USP42: variants seen among roughly 807,000 people sequenced by gnomAD.
USP42 encodes ubiquitin specific peptidase 42.
USP42 carries 23 observed loss-of-function variants against 113.0 expected under a neutral mutation model. The ratio of observed to expected loss-of-function variants is 0.20; its 90% CI spans 0.15 to 0.29. USP42 has a LOEUF of 0.29. Among genes scored for constraint, USP42 ranks in the 10% least tolerant of loss-of-function variants. USP42 has a pLI of 1.00. For synonymous variants in USP42, 933 were observed against 699.0 expected (o/e 1.33, Z -5.28); for missense variants, 2,174 against 1,779.8 (o/e 1.22, Z -3.99).
chr7:6,114,378 A>G (rs906088814), intron 2 of USP42, among the ~76,000 whole-genome samples: 3 of 152,004 alleles, frequency 2.0e-5, no homozygotes, highest in Non-Finnish European at 4.4e-5. Flanking sequence ...GAGTAATTAT[A>G]ATGAACTCTC....
intron 15 of USP42, 63 bp downstream of exon 15, chr7:6,155,258 C>A: frequency 6.9e-7 from 1 of 1,455,508 alleles, no homozygotes; most frequent in South Asian, 1.5e-5. Context: ...GGGCCTGTCC[C>A]TTCTCACTCG....
the USP42 span, among the ~76,000 whole-genome samples, chr7:6,082,731 C>T: frequency 6.9e-6 from 1 of 145,872 alleles, no homozygotes; most frequent in Non-Finnish European, 1.5e-5. Context: ...CTATCTGAGC[C>T]TCCGTAGTAG....
chr7:6,154,062 G>A lies in USP42; in HGVS notation c.2508G>A (p.Lys836=). ...GDASPLSQDA[K]GMIAEGPRDS... ...CGAGCCCGTTGTCCCAGGACGCAAAGGGGATGATCGCGGAGGGCCCGCGGG... is the reference window on the plus strand; with the variant it reads ...CGAGCCCGTTGTCCCAGGACGCAAAAGGGATGATCGCGGAGGGCCCGCGGG... Residue 836 remains lysine (K), a synonymous_variant, in exon 15 of 18, where the codon AAG becomes AAA. Coordinates refer to ENST00000306177, the MANE Select transcript of USP42 (RefSeq NM_032172.3). 4 of 1,606,152 alleles carry A rather than the reference G, an allele frequency of 2.5e-6. No individual in the cohort carries two copies. The highest frequency in any genetic ancestry group is 3.4e-6 in the Non-Finnish European group (4 of 1,179,326).
In USP42 at chr7:6,147,759, G is replaced by A. The variant is rs1781797196; in HGVS notation, c.1253G>A (p.Gly418Glu). 1 of 1,589,980 alleles carries A rather than the reference G, an allele frequency of 6.3e-7. No homozygotes were observed. Among genetic ancestry groups the A allele is most frequent in the South Asian group, 1.1e-5 (1 of 89,044 alleles). The change falls in exon 12 of 18, where the codon GGA (glycine) becomes GAA (glutamate). Residue 418 changes from glycine (G) to glutamate (E), a missense_variant. Transcript: ENST00000306177. ...FYIRSHDVKN[G>E]GELTHPTHSP... is the part of the protein sequence containing the mutation. ...TCCAGGTCCCATGATGTGAAAAATG[G>A]AGGTGAACTTACTCATCCCACCCAT...
chr7:6,147,005 T>A (rs1358355712), intron 11 of USP42, among the ~76,000 whole-genome samples: 2 of 152,220 alleles, frequency 1.3e-5, no homozygotes, highest in Admixed American at 6.5e-5. Flanking sequence ...TGCATACGCT[T>A]TTCACTCACT....
At chr7:6,112,639 T>C (rs1458108135) in intron 2 of USP42, among the ~76,000 whole-genome samples, 1 of 152,180 alleles carries the variant, frequency 6.6e-6, no homozygotes, top group South Asian at 2.1e-4. Flanking sequence ...CCTAGTTAGA[T>C]TGTTGTTTGG....
rs566025749 is a variant in USP42 at position 6,159,134 on chromosome 7, C to T, written c.3944-316C>T. Among the ~76,000 whole-genome samples the T allele has an allele frequency of 4.6e-5, 7 of 152,316 alleles. No homozygotes were observed. Among genetic ancestry groups the T allele is most frequent in the Admixed American group, 2.6e-4 (4 of 15,300 alleles). ...TCTACCCTGGACTTCGGCCCCTTGT[C>T]TTTCTCTTTCAAACTCCTCCTCTGG... On this transcript the variant is annotated intron_variant, in intron 16 of 17. Coordinates refer to ENST00000306177, the MANE Select transcript of USP42 (RefSeq NM_032172.3). This position sits in a 1 kb window ranked among gnomAD's most constrained non-coding sequence, Gnocchi z 4.1.
At position 6,153,954 on chromosome 7, in the gene USP42, G is replaced by T. The variant is rs1453861090; in HGVS notation, c.2400G>T (p.Glu800Asp). 1 of 1,596,460 alleles carries T rather than the reference G, an allele frequency of 6.3e-7. No homozygotes were observed. The highest frequency in any genetic ancestry group is 8.5e-7 in the Non-Finnish European group (1 of 1,173,950). ...AWEAMAVAPE[E>D]PPPSAGEDIV... Reference sequence around the variant, plus strand: ...AGGCCATGGCCGTCGCCCCCGAGGAGCCTCCGCCCAGCGCCGGCGAGGACA... The same window carrying T: ...AGGCCATGGCCGTCGCCCCCGAGGATCCTCCGCCCAGCGCCGGCGAGGACA... Residue 800 changes from glutamate (E) to aspartate (D), a missense_variant, in exon 15 of 18, where the codon GAG becomes GAT. Coordinates refer to ENST00000306177, the MANE Select transcript of USP42 (RefSeq NM_032172.3).
rs1157288446 is a variant in USP42 at position 6,154,233 on chromosome 7, C to T, written c.2679C>T (p.Pro893=). 1.9e-6 allele frequency: 3 copies of T among 1,606,204 alleles called. No homozygotes were observed. The highest frequency in any genetic ancestry group is 1.7e-5 in the Admixed American group (1 of 59,684). The change falls in exon 15 of 18, where the codon CCC becomes CCT. Residue 893 remains proline (P), a synonymous_variant. Coordinates refer to ENST00000306177, the MANE Select transcript of USP42 (RefSeq NM_032172.3). Reference sequence around the variant, plus strand: ...ACCCATCCCAGAGCTTGGGCGCACCCGAGGCCGCAGAGCGGCCGCCAGCTC... The same window carrying T: ...ACCCATCCCAGAGCTTGGGCGCACCTGAGGCCGCAGAGCGGCCGCCAGCTC... ...AQDPSQSLGA[P]EAAERPPAPV...
rs145501073 is a variant in USP42 at position 6,145,453 on chromosome 7, A to G, written c.991-63A>G. ...TCCTAGGAAGCTCTAAGTACCCTCT[A>G]CCTGAATATGTGGAATGATCTGTGC... On this transcript the variant is annotated intron_variant, in intron 9 of 17. Coordinates refer to ENST00000306177, the MANE Select transcript of USP42 (RefSeq NM_032172.3). 147 of 1,603,764 alleles carry G rather than the reference A, an allele frequency of 9.2e-5. 1 individual carries two copies. In the African/African-American group the frequency reaches 1.5e-3, roughly 17 times the overall value.
Position 6,154,709 on chromosome 7 carries a change from A to G in USP42, c.3155A>G (p.Asp1052Gly). ...RGWGREKFYP[D>G]RPRWDRCRYY... is the part of the protein sequence containing the mutation. ...TGGGGCCGGGAGAAGTTCTACCCCG[A>G]CAGGCCGCGCTGGGACAGGTGCCGG... is the stretch of plus-strand genomic sequence containing the variant. The change falls in exon 15 of 18, where the codon GAC (aspartate) becomes GGC (glycine). Residue 1052 changes from aspartate (D) to glycine (G), a missense_variant. Transcript: ENST00000306177. 6.3e-7 allele frequency: 1 copy of G among 1,597,520 alleles called. No homozygotes were observed. The highest frequency in any genetic ancestry group is 8.5e-7 in the Non-Finnish European group (1 of 1,173,238).
At position 6,147,786 on chromosome 7, in the gene USP42, G is replaced by C. The variant is rs111276314; in HGVS notation, c.1280G>C (p.Ser427Thr). Residue 427 changes from serine (S) to threonine (T), a missense_variant, in exon 12 of 18, where the codon AGC (serine) becomes ACC (threonine). Coordinates refer to ENST00000306177, the MANE Select transcript of USP42 (RefSeq NM_032172.3). ...GGTGAACTTACTCATCCCACCCATA[G>C]CCCCGGCCAGTCCTCTCCCCGCCCC... is the stretch of plus-strand genomic sequence containing the variant. ...NGGELTHPTH[S>T]PGQSSPRPVI... is the part of the protein sequence containing the mutation. The C allele has an allele frequency of 1.9e-6, 3 of 1,609,930 alleles. No individual in the cohort carries two copies. The highest frequency in any genetic ancestry group is 2.5e-6 in the Non-Finnish European group (3 of 1,176,988).
Position 6,156,775 on chromosome 7 carries a change from C to T in USP42, c.3663C>T (p.Leu1221=). ...GCAGGCATCAGCAGGACTCAGACCT[C>T]TCAGCAGCGTGCTCTGACGCTGACC... ...RDSRHQQDSD[L]SAACSDADLH... The change falls in exon 16 of 18, where the codon CTC becomes CTT. Residue 1221 remains leucine, a synonymous_variant. Coordinates refer to ENST00000306177, the MANE Select transcript of USP42 (RefSeq NM_032172.3). The T allele has an allele frequency of 6.4e-7, 1 of 1,568,898 alleles. No homozygotes were observed. The highest frequency in any genetic ancestry group is 1.2e-5 in the South Asian group (1 of 82,178).
At position 6,150,467 on chromosome 7, in the gene USP42, G is replaced by A. The variant is rs767120012; in HGVS notation, c.2162G>A (p.Arg721Lys). The A allele has an allele frequency of 3.7e-6, 6 of 1,613,956 alleles. No individual in the cohort carries two copies. In the Admixed American group the frequency reaches 1.0e-4, roughly 27 times the overall value. The change falls in exon 14 of 18, where the codon AGG becomes AAG. Residue 721 changes from arginine (R) to lysine (K), a missense_variant. By Grantham distance (26) the Arg-to-Lys change is conservative. Transcript: ENST00000306177. Reference protein sequence around the residue: ...LPEDKILETFRLSNKLKGSTD... With the variant: ...LPEDKILETFKLSNKLKGSTD... ...GAAGACAAAATCTTAGAGACCTTCAGGCTTAGCAACAAACTGAAAGGCTCG... is the reference window on the plus strand; with the variant it reads ...GAAGACAAAATCTTAGAGACCTTCAAGCTTAGCAACAAACTGAAAGGCTCG...
At chr7:6,104,275 G>A (rs138926385), upstream of USP42, among the ~76,000 whole-genome samples, 276 of 151,396 alleles carry the variant, frequency 1.8e-3, 17 homozygotes, top group African/African-American at 6.4e-3. Flanking sequence ...GTAGAGACAG[G>A]GTTTCACCAT....
In USP42 at chr7:6,111,309, G is replaced by C; in HGVS notation, c.176G>C (p.Gly59Ala). The change falls in exon 2 of 18, where the codon GGT becomes GCT. Residue 59 changes from glycine (G) to alanine (A), a missense_variant. Transcript: ENST00000306177. ...ACACTTTCTTTAGGACCAGTACCTG[G>C]TGCTGTAGTTTATTCGAGTTCATCT... ...NHTLSLGPVPGAVVYSSSSVP... is the reference protein window; with the variant it reads ...NHTLSLGPVPAAVVYSSSSVP... 1.2e-6 allele frequency: 2 copies of C among 1,609,262 alleles called. No individual in the cohort carries two copies. The highest frequency in any genetic ancestry group is 8.5e-7 in the Non-Finnish European group (1 of 1,177,552).
At chr7:6,113,117 C>G (rs563740134) in intron 2 of USP42, among the ~76,000 whole-genome samples, 41 of 151,926 alleles carry the variant, frequency 2.7e-4, no homozygotes, top group African/African-American at 9.4e-4. Context: ...GCTGGCCAGG[C>G]TGGTTTCAAA....
At chr7:6,089,704 T>C in the USP42 span, among the ~76,000 whole-genome samples, 10 of 150,114 alleles carry the variant, frequency 6.7e-5, no homozygotes, top group Non-Finnish European at 1.3e-4. Flanking sequence ...GGCTAATTTT[T>C]TTGTATTTAG....
At chr7:6,114,327 T>C (rs73058626) in intron 2 of USP42, among the ~76,000 whole-genome samples, 25,430 of 152,020 alleles carry the variant, frequency 0.17, 2,816 homozygotes, top group African/African-American at 0.31. Context: ...TTTCTATTGA[T>C]TGTATTATTT....
Sources: allele counts gnomAD v4.1 joint callset (sites outside exome capture counted in the v4.1 genomes callset), GRCh38; gene constraint gnomAD v4.1.1; non-coding constraint Gnocchi (gnomAD v3.1); transcripts MANE v1.5; gene names NCBI Gene and HGNC (gene_info 2026-07-23, HGNC 2026-07-21).